Variants in ROBO2 observed in about 807,000 individuals in gnomAD.
The protein encoded by ROBO2 is roundabout homolog 2.
Under a neutral mutation model 160.8 loss-of-function variants are expected in ROBO2, and 53 were observed. The ratio of observed to expected loss-of-function variants is 0.33; its 90% CI spans 0.26 to 0.41. The LOEUF is 0.41. ROBO2 is among the 10% of genes least tolerant of loss of function. The probability of loss-of-function intolerance (pLI) is 1.00; values close to 1 mark genes in which losing one functional copy is unlikely to be tolerated. For synonymous variants in ROBO2, 664 were observed against 611.7 expected (o/e 1.09, Z -1.26); for missense variants, 1,577 against 1,722.4 (o/e 0.92, Z 1.49).
chr3:77,112,063 G>C (rs544991069), intron 2 of ROBO2, among the ~76,000 whole-genome samples: 3 of 151,612 alleles, frequency 2.0e-5, no homozygotes, highest in African/African-American at 7.3e-5. Flanking sequence ...AAATACAATA[G>C]TTAGCCGGGT....
At chr3:76,897,934 A>G (rs991461083) in intron 2 of ROBO2, among the ~76,000 whole-genome samples, 12 of 152,086 alleles carry the variant, frequency 7.9e-5, no homozygotes, top group Admixed American at 3.9e-4. Flanking sequence ...TGTTTGTAGA[A>G]TTTTCTAGTG....
intron 2 of ROBO2, among the ~76,000 whole-genome samples, chr3:76,962,220 A>G (rs2079718084): frequency 6.6e-6 from 1 of 152,214 alleles, no homozygotes; most frequent in South Asian, 2.1e-4. Context: ...CTGTAATCCA[A>G]GCTACTTGGG....
rs568014832 is a variant in ROBO2 at position 76,692,102 on chromosome 3, C to T, written c.110-405912C>T. ...AAGAATGGAGATGTAGGAGAAGAGA[C>T]GAAAAGAGAGACTAGATGACTTTGG... On this transcript the variant is annotated intron_variant, in intron 2 of 26. Coordinates refer to the ROBO2 transcript ENST00000487694. Among the ~76,000 whole-genome samples the T allele has an allele frequency of 4.6e-5, 7 of 151,728 alleles. No homozygotes were observed. In the East Asian group the frequency reaches 1.2e-3, roughly 25 times the overall value.
intron 2 of ROBO2, among the ~76,000 whole-genome samples, chr3:76,627,692 A>G (rs924076626): frequency 6.6e-6 from 1 of 151,094 alleles, no homozygotes; most frequent in Non-Finnish European, 1.5e-5. Flanking sequence ...AAAAAGTGCA[A>G]TGAACACTGA....
intron 2 of ROBO2, among the ~76,000 whole-genome samples, chr3:76,196,136 A>G (rs1269105988): frequency 6.6e-6 from 1 of 152,046 alleles, no homozygotes; most frequent in Non-Finnish European, 1.5e-5. Context: ...TCTTCCTACT[A>G]TGAAGGACCT....
intron 2 of ROBO2, among the ~76,000 whole-genome samples, chr3:77,364,099 A>G (rs2070475100): frequency 6.6e-6 from 1 of 152,214 alleles, no homozygotes. Context: ...GACATCTTCT[A>G]TAATGCTTAA....
At chr3:77,355,622 C>T (rs148397693) in intron 2 of ROBO2, among the ~76,000 whole-genome samples, 1 of 151,982 alleles carries the variant, frequency 6.6e-6, no homozygotes, top group South Asian at 2.1e-4. Flanking sequence ...AGATAATTTT[C>T]TACTTAGGAA....
intron 2 of ROBO2, among the ~76,000 whole-genome samples, chr3:76,636,043 A>G (rs1325051477): frequency 1.3e-5 from 2 of 152,214 alleles, no homozygotes; most frequent in Non-Finnish European, 2.9e-5. Flanking sequence ...TTAATTATCT[A>G]CTTAATCATT....
intron 2 of ROBO2, among the ~76,000 whole-genome samples, chr3:76,477,615 T>A (rs190804329): frequency 1.4e-3 from 219 of 152,228 alleles, no homozygotes; most frequent in African/African-American, 4.7e-3. Context: ...TGTCCATTTT[T>A]AAAAAAATTT....
At position 77,352,353 on chromosome 3, in the gene ROBO2, G is replaced by A. The variant is rs139622809; in HGVS notation, c.389-125061G>A. On this transcript the variant is annotated intron_variant, in intron 2 of 25. Coordinates refer to ENST00000461745, the Ensembl canonical transcript of ROBO2. ...AATGACAAGGGCTTCTTTACAATTC[G>A]TGCATCATTCTATTTCGTGGAAGAT... Among the ~76,000 whole-genome samples, 393 of 152,080 alleles carry A rather than the reference G, an allele frequency of 2.6e-3. 3 individuals carry two copies. Among genetic ancestry groups the A allele is most frequent in the African/African-American group, 9.0e-3 (375 of 41,496 alleles).
intron 2 of ROBO2, among the ~76,000 whole-genome samples, chr3:76,448,797 C>T (rs1427635139): frequency 6.6e-6 from 1 of 152,112 alleles, no homozygotes; most frequent in African/African-American, 2.4e-5. Flanking sequence ...ACCTAATTAT[C>T]CCCCATTTTG....
chr3:75,972,460 T>G (rs777146207), intron 2 of ROBO2, among the ~76,000 whole-genome samples: 20 of 151,658 alleles, frequency 1.3e-4, no homozygotes, highest in Non-Finnish European at 2.8e-4. Flanking sequence ...AGACAAATTC[T>G]GGAAAATGGA....
chr3:75,959,202 C>T (rs1052992490), intron 2 of ROBO2, among the ~76,000 whole-genome samples: 5 of 151,566 alleles, frequency 3.3e-5, no homozygotes, highest in African/African-American at 1.2e-4. Flanking sequence ...TTATTTTTGC[C>T]AAACTAACCA....
intron 2 of ROBO2, among the ~76,000 whole-genome samples, chr3:76,621,082 A>G (rs2089036555): frequency 6.6e-6 from 1 of 151,390 alleles, no homozygotes. Flanking sequence ...TACTCATTTC[A>G]CCAGAAGGAA....
intron 2 of ROBO2, among the ~76,000 whole-genome samples, chr3:76,746,102 C>A (rs149930463): frequency 6.6e-6 from 1 of 150,780 alleles, no homozygotes; most frequent in Non-Finnish European, 1.5e-5. Context: ...TTTGTTCTTG[C>A]GATAGTTTAC....
Position 77,237,395 on chromosome 3 carries a change from TTTG to T in ROBO2, c.388+139058_388+139060del, listed in dbSNP as rs1264538536. Among the ~76,000 whole-genome samples, 5 of 130,766 alleles carry T rather than the reference TTTG, an allele frequency of 3.8e-5. No homozygotes were observed. The East Asian group carries it at 9.0e-4, about 23-fold the overall frequency. 85.8% of individuals were successfully genotyped at this position (130,766 alleles called of 152,430 possible). A position where few individuals can be genotyped will look rare whatever the true frequency, so the allele number is the denominator to read the frequency against. On this transcript the variant is annotated intron_variant, in intron 2 of 25. Coordinates refer to ENST00000461745, the Ensembl canonical transcript of ROBO2. Reference sequence around the variant, plus strand: ...TTTCTTTTTTTTTCTTTTTCCTGTTTTTGTTTTGTTTTGTTTTGTGTGTGTGTG... The same window carrying T: ...TTTCTTTTTTTTTCTTTTTCCTGTTTTTTTGTTTTGTTTTGTGTGTGTGTG...
intron 1 of ROBO2, among the ~76,000 whole-genome samples, chr3:77,079,423 AC>A (rs1269069241): frequency 1.3e-5 from 2 of 152,164 alleles, no homozygotes; most frequent in Non-Finnish European, 2.9e-5. Context: ...GTTTTTCCTA[AC>A]AACAAAGGTC....
chr3:77,477,674 G>C (rs755343677), intron 3 of ROBO2, 103 bp downstream of exon 3: 2 of 1,183,390 alleles, frequency 1.7e-6, no homozygotes, highest in Non-Finnish European at 2.5e-6. Flanking sequence ...AATTGTATTT[G>C]AATGTTAATT....
intron 2 of ROBO2, among the ~76,000 whole-genome samples, chr3:76,817,981 T>C (rs1259052653): frequency 1.3e-5 from 2 of 152,076 alleles, no homozygotes; most frequent in Non-Finnish European, 2.9e-5. Context: ...GTATCATTTT[T>C]GTAGCATGAC....
Sources: allele counts gnomAD v4.1 joint callset (sites outside exome capture counted in the v4.1 genomes callset), GRCh38; gene constraint gnomAD v4.1.1; transcripts MANE v1.5; gene names NCBI Gene and HGNC (gene_info 2026-07-23, HGNC 2026-07-21).